Variants in RFXANK observed in about 807,000 individuals in gnomAD.
RFXANK encodes regulatory factor X associated ankyrin containing protein, also known as DNA-binding protein RFXANK.
A neutral mutation model predicts 34.5 loss-of-function variants in RFXANK; 19 were observed. The ratio of observed to expected loss-of-function variants is 0.55; its 90% confidence interval spans 0.38 to 0.81. The LOEUF is 0.81. Among genes scored for constraint, RFXANK ranks in the 30% least tolerant of loss-of-function variants. The probability of loss-of-function intolerance (pLI) is 0.00; values close to 1 mark genes in which losing one functional copy is unlikely to be tolerated. For missense variants in RFXANK, 295 were observed against 343.5 expected (o/e 0.86, Z 1.12); for synonymous variants, 154 against 149.8 (o/e 1.03, Z -0.20).
chr19:19,200,358 A>C (rs1410669917), intron 9 of RFXANK, among the ~76,000 whole-genome samples: 1 of 150,682 alleles, frequency 6.6e-6, no homozygotes, highest in Non-Finnish European at 1.5e-5. Context: ...TTATATTTTT[A>C]GTAGAGACGG....
chr19:19,201,738 TCAGA>T lies in RFXANK; in HGVS notation c.*22_*25del, dbSNP rs749806448. On this transcript the variant is annotated 3_prime_UTR_variant, in exon 10 of 10. Transcript: ENST00000303088. ...TGAGTGAAGGCCGCCTGCCGGGGAC[TCAGA>T]CACTCAGGGAACAAAATGGTCAGCC... 4 of 1,613,648 alleles carry T rather than the reference TCAGA, an allele frequency of 2.5e-6. No individual in the cohort carries two copies. The highest frequency in any genetic ancestry group is 3.4e-6 in the Non-Finnish European group (4 of 1,179,936).
In RFXANK at chr19:19,197,219, A is replaced by T. The variant is rs766230948; in HGVS notation, c.305A>T (p.Glu102Val). 2.2e-5 allele frequency: 36 copies of T among 1,613,156 alleles called. No homozygotes were observed. Among genetic ancestry groups the T allele is most frequent in the South Asian group, 3.3e-5 (3 of 91,034 alleles). The change falls in exon 5 of 10, where the codon GAG becomes GTG. Residue 102 changes from glutamate (E) to valine (V), a missense_variant. Transcript: ENST00000303088. The stretch of plus-strand genomic sequence containing the variant: ...ATCCACCAGCTCGCAGCACAGGGGG[A>T]GCTGGACCAGCTGAAGGAGCATTTG... ...LSIHQLAAQG[E>V]LDQLKEHLRK...
chr19:19,194,294 G>A (rs1163480373), intron 3 of RFXANK, among the ~76,000 whole-genome samples, 161 bp downstream of exon 3: 2 of 152,144 alleles, frequency 1.3e-5, no homozygotes, highest in African/African-American at 4.8e-5. Context: ...GTGCAATGGC[G>A]TGATCTCAGC....
rs1410890393 is a variant in RFXANK, at chr19:19,192,444, C to A, written c.-260C>A. On this transcript the variant is annotated 5_prime_UTR_variant, in exon 1 of 10. Transcript: ENST00000303088. ...AGACGAGTTGGGGGAGTCCTCCACG[C>A]ATTACCCACTCGGGCCGCAAAAACT... The A allele has an allele frequency of 2.3e-6, 1 of 433,154 alleles. No individual in the cohort carries two copies. Among genetic ancestry groups the A allele is most frequent in the Non-Finnish European group, 4.2e-6 (1 of 237,770 alleles). The allele number at this position is 433,154 out of a possible 1,614,324, so 26.8% of individuals were successfully genotyped here.
At chr19:19,198,433 G>A (rs761648884) in intron 7 of RFXANK, among the ~76,000 whole-genome samples, 2 of 152,206 alleles carry the variant, frequency 1.3e-5, no homozygotes, top group South Asian at 2.1e-4. Context: ...AGTGAACTGC[G>A]CTGCGATGGC....
chr19:19,194,668 G>A (rs1008725210), intron 3 of RFXANK, among the ~76,000 whole-genome samples: 5 of 151,744 alleles, frequency 3.3e-5, no homozygotes, highest in Non-Finnish European at 7.4e-5. Context: ...TGGGACTATA[G>A]GCATGCAACC....
intron 6 of RFXANK, among the ~76,000 whole-genome samples, chr19:19,197,857 C>A (rs907443468): frequency 1.3e-5 from 2 of 151,986 alleles, no homozygotes; most frequent in African/African-American, 4.8e-5. Flanking sequence ...TAAAAAAATA[C>A]AAAAATTAGC....
intron 8 of RFXANK, 117 bp from the exon 9 acceptor site, chr19:19,199,037 G>A (rs1255753113): frequency 9.5e-7 from 1 of 1,054,868 alleles, no homozygotes; most frequent in Admixed American, 1.9e-5. Context: ...ATGGGCAACG[G>A]GCAGACCCAC....
intron 6 of RFXANK, 37 bp from the exon 7 acceptor site, chr19:19,198,070 C>T (rs1489540652): frequency 6.2e-7 from 1 of 1,612,284 alleles, no homozygotes; most frequent in East Asian, 2.2e-5. Context: ...GGTTATGCCC[C>T]AATCCATCCT....
chr19:19,198,855 C>A (rs1003138075), intron 8 of RFXANK, 132 bp downstream of exon 8: 1 of 949,756 alleles, frequency 1.1e-6, no homozygotes, highest in Non-Finnish European at 1.7e-6. Flanking sequence ...CTGCTCTTCT[C>A]GGAGGATGGA....
rs114064359 is a variant in RFXANK at position 19,194,041 on chromosome 19, C to T, written c.95C>T (p.Ala32Val). Residue 32 changes from alanine to valine, a missense_variant, in exon 3 of 10, where the codon GCA becomes GTA. Physicochemically the swap from Ala to Val is moderately conservative, Grantham distance 64. Transcript: ENST00000303088. ...CCTGAAGACCCCGGAGAGGAGGCTG[C>T]AGATGGCTCAGACACTGTGGTCCTC... is the stretch of plus-strand genomic sequence containing the variant. ...GDPEDPGEEAADGSDTVVLSL... is the reference protein window; with the variant it reads ...GDPEDPGEEAVDGSDTVVLSL... 2.3e-4 allele frequency: 372 copies of T among 1,614,186 alleles called. No individual in the cohort carries two copies. The African/African-American group carries it at 4.3e-3, about 19-fold the overall frequency.
At position 19,192,440 on chromosome 19, in the gene RFXANK, C is replaced by T; in HGVS notation, c.-264C>T. ...TGAGAGACGAGTTGGGGGAGTCCTC[C>T]ACGCATTACCCACTCGGGCCGCAAA... On this transcript the variant is annotated 5_prime_UTR_variant, in exon 1 of 10. Coordinates refer to ENST00000303088, the MANE Select transcript of RFXANK (RefSeq NM_003721.4). 1 of 449,780 alleles carries T rather than the reference C, an allele frequency of 2.2e-6. No homozygotes were observed. The highest frequency in any genetic ancestry group is 4.0e-6 in the Non-Finnish European group (1 of 247,060). 27.9% of individuals were successfully genotyped at this position (449,780 alleles called of 1,614,324 possible).
At chr19:19,199,042 A>T (rs1201633261) in intron 8 of RFXANK, 112 bp from the exon 9 acceptor site, 1 of 1,084,482 alleles carries the variant, frequency 9.2e-7, no homozygotes, top group African/African-American at 1.5e-5. Flanking sequence ...CAACGGGCAG[A>T]CCCACGGCTG....
At chr19:19,198,801 G>T in intron 8 of RFXANK, 78 bp downstream of exon 8, 1 of 1,412,706 alleles carries the variant, frequency 7.1e-7, no homozygotes, top group Non-Finnish European at 1.0e-6. Context: ...GCAGGGAGAC[G>T]CCCAAGTGTT....
chr19:19,197,808 A>C (rs1005948802), intron 6 of RFXANK, 187 bp downstream of exon 6: 1 of 664,112 alleles, frequency 1.5e-6, no homozygotes. Context: ...CAGGAGTTCA[A>C]GACCAGCCCG....
chr19:19,201,641 C>G lies in RFXANK; in HGVS notation c.713-8C>G, dbSNP rs752799290. The G allele has an allele frequency of 1.4e-5, 23 of 1,613,996 alleles. No homozygotes were observed. Among genetic ancestry groups the G allele is most frequent in the Non-Finnish European group, 1.9e-5 (23 of 1,180,044 alleles). On this transcript the variant is annotated splice_polypyrimidine_tract_variant and splice_region_variant and intron_variant, in intron 9 of 9. Coordinates refer to ENST00000303088, the MANE Select transcript of RFXANK (RefSeq NM_003721.4). ...CTCACAGCCCACCTTTTCCCTGCCC[C>G]ATCTCAGTGCAACAGGTGATCGAGA...
intron 9 of RFXANK, chr19:19,201,432 TA>T: frequency 6.7e-7 from 1 of 1,494,386 alleles, no homozygotes; most frequent in Non-Finnish European, 9.0e-7. Flanking sequence ...GAAATATTTT[TA>T]TATTAATTCT....
intron 9 of RFXANK, chr19:19,200,862 G>C (rs2060701332): frequency 6.9e-6 from 1 of 145,966 alleles, no homozygotes; most frequent in Admixed American, 7.1e-5. Flanking sequence ...GCTATGGCGT[G>C]ATCTCGGCTC....
chr19:19,192,398 C>A lies in RFXANK; in HGVS notation c.-306C>A, dbSNP rs956561805. 1 of 554,652 alleles carries A rather than the reference C, an allele frequency of 1.8e-6. No individual in the cohort carries two copies. The highest frequency in any genetic ancestry group is 3.2e-6 in the Non-Finnish European group (1 of 309,686). 34.4% of individuals were successfully genotyped at this position (554,652 alleles called of 1,614,324 possible). On this transcript the variant is annotated 5_prime_UTR_variant, in exon 1 of 10. In the 5' UTR this introduces an upstream ATG that the reference lacks. Transcript: ENST00000303088. ...AGAGGGGGAAGAACTCTCTCCCTTT[C>A]TGAACCCCCTTTTCCTTGAGAGACG...
Sources: gnomAD v4.1 joint callset for allele counts (sites outside exome capture counted in the v4.1 genomes callset) on GRCh38, gnomAD v4.1.1 for gene constraint, MANE v1.5 for transcripts, NCBI Gene and HGNC (gene_info 2026-07-23, HGNC 2026-07-21) for gene names.